The following ADAMTS19 variants were observed in gnomAD, a reference collection of about 807,000 sequenced individuals.
ADAMTS19 encodes the protein ADAM metallopeptidase with thrombospondin type 1 motif 19, also known as A disintegrin and metalloproteinase with thrombospondin motifs 19.
Under a neutral mutation model 153.3 loss-of-function variants are expected in ADAMTS19, and 93 were observed. The observed-to-expected ratio is 0.61, with a 90% CI of 0.51 to 0.72. The LOEUF (loss-of-function observed/expected upper bound fraction) is 0.72. ADAMTS19 is among the 30% of genes least tolerant of loss of function. The pLI, the probability that ADAMTS19 is intolerant of heterozygous loss-of-function variation, is 0.00. For synonymous variants in ADAMTS19, 600 were observed against 556.6 expected, an observed-to-expected ratio of 1.08 and a Z score of -1.10; for missense variants, 1,482 against 1,552.1, an observed-to-expected ratio of 0.95 and a Z score of 0.76.
In ADAMTS19 at chr5:129,642,579, A is replaced by G. The variant is rs188665932; in HGVS notation, c.1872+619A>G. ...TCACATGTATTTAATAATTATGGTTAACATAATCAAAAGATAACAGATCAA... is the reference window on the plus strand; with the variant it reads ...TCACATGTATTTAATAATTATGGTTGACATAATCAAAAGATAACAGATCAA... On this transcript the variant is annotated intron_variant, in intron 11 of 22. Transcript: ENST00000274487. 7.9e-5 allele frequency among the ~76,000 whole-genome samples: 12 copies of G among 152,326 alleles called. No homozygotes were observed. In the East Asian group the frequency reaches 1.7e-3, roughly 22 times the overall value.
chr5:129,523,432 G>A (rs1044699043), intron 3 of ADAMTS19, among the ~76,000 whole-genome samples: 8 of 152,164 alleles, frequency 5.3e-5, no homozygotes, highest in African/African-American at 1.9e-4. Context: ...AAAGATGATA[G>A]CAGCTTAGAG....
chr5:129,569,149 TA>T (rs1753810868), intron 7 of ADAMTS19, among the ~76,000 whole-genome samples: 1 of 151,486 alleles, frequency 6.6e-6, no homozygotes, highest in South Asian at 2.1e-4. Flanking sequence ...TAGTAAAAAG[TA>T]AAAAACAAAA....
intron 20 of ADAMTS19, 42 bp downstream of exon 20, chr5:129,701,634 T>G (rs1317236945): frequency 6.3e-7 from 1 of 1,597,488 alleles, no homozygotes; most frequent in Non-Finnish European, 8.5e-7. Flanking sequence ...CTACTCTGAC[T>G]CCTAGCTTGT....
chr5:129,615,720 T>A (rs1751489421), intron 8 of ADAMTS19, among the ~76,000 whole-genome samples: 1 of 151,872 alleles, frequency 6.6e-6, no homozygotes, highest in Admixed American at 6.6e-5. Context: ...TACAATAATC[T>A]AGAAGTAAAA....
At chr5:129,542,582 G>T (rs1022317444) in intron 6 of ADAMTS19, among the ~76,000 whole-genome samples, 1 of 152,088 alleles carries the variant, frequency 6.6e-6, no homozygotes, top group African/African-American at 2.4e-5. Flanking sequence ...GTGACTGCTT[G>T]GAAAAAGTAG....
chr5:129,722,147 T>C (rs1331197518), intron 21 of ADAMTS19, among the ~76,000 whole-genome samples: 1 of 152,212 alleles, frequency 6.6e-6, no homozygotes, highest in Non-Finnish European at 1.5e-5. Context: ...AAATGGTATT[T>C]CTGGTTCTAG....
intron 8 of ADAMTS19, among the ~76,000 whole-genome samples, chr5:129,619,821 C>T (rs1173133773): frequency 6.6e-6 from 1 of 151,890 alleles, no homozygotes; most frequent in Non-Finnish European, 1.5e-5. Flanking sequence ...GCAAGGCTTG[C>T]CTCTAACAGT....
chr5:129,471,628 G>C (rs1259598090), intron 2 of ADAMTS19, among the ~76,000 whole-genome samples: 5 of 152,162 alleles, frequency 3.3e-5, no homozygotes, highest in South Asian at 2.1e-4. Flanking sequence ...ATGGGGATTT[G>C]TTTTACAAAT....
chr5:129,687,755 G>A (rs760317977), intron 18 of ADAMTS19, among the ~76,000 whole-genome samples: 1 of 152,122 alleles, frequency 6.6e-6, no homozygotes, highest in Non-Finnish European at 1.5e-5. Context: ...CTGCCTTCAT[G>A]AATGGCTCAG....
At chr5:129,529,666 G>A (rs1400729153) in intron 6 of ADAMTS19, among the ~76,000 whole-genome samples, 12 of 152,132 alleles carry the variant, frequency 7.9e-5, no homozygotes, top group Admixed American at 5.2e-4. Flanking sequence ...CTTAACTAGC[G>A]TAGCAAGCTA....
intron 2 of ADAMTS19, among the ~76,000 whole-genome samples, chr5:129,505,466 A>G (rs1043889629): frequency 2.0e-5 from 3 of 152,166 alleles, no homozygotes; most frequent in South Asian, 4.1e-4. Context: ...TAAATGAACC[A>G]TTTATAATTA....
At chr5:129,537,363 T>C (rs1459526537) in intron 6 of ADAMTS19, among the ~76,000 whole-genome samples, 3 of 152,312 alleles carry the variant, frequency 2.0e-5, no homozygotes, top group African/African-American at 7.2e-5. Flanking sequence ...TGGAAGTCGG[T>C]GTTGCGATTC....
intron 2 of ADAMTS19, among the ~76,000 whole-genome samples, chr5:129,479,093 C>G (rs185630510): frequency 4.6e-5 from 7 of 152,172 alleles, no homozygotes; most frequent in Non-Finnish European, 8.8e-5. Flanking sequence ...TTAAATGTCA[C>G]CCTAGAGGGG....
chr5:129,543,659 C>T (rs1347373966), intron 6 of ADAMTS19, among the ~76,000 whole-genome samples: 2 of 152,054 alleles, frequency 1.3e-5, no homozygotes. Context: ...CTAAAACAAA[C>T]TAAAGCCAAG....
At chr5:129,702,711 A>G (rs1371749540) in intron 20 of ADAMTS19, among the ~76,000 whole-genome samples, 1 of 151,920 alleles carries the variant, frequency 6.6e-6, no homozygotes, top group African/African-American at 2.4e-5. Context: ...GAAGAATCAC[A>G]TGAGCATCAG....
chr5:129,676,967 A>G (rs932849256), intron 16 of ADAMTS19, among the ~76,000 whole-genome samples: 2 of 152,174 alleles, frequency 1.3e-5, no homozygotes, highest in African/African-American at 4.8e-5. Flanking sequence ...ATTGTGCCCT[A>G]AAAATGTACT....
In ADAMTS19 at chr5:129,582,536, C is replaced by T. The variant is rs1422702928; in HGVS notation, c.1373-14023C>T. Among the ~76,000 whole-genome samples the T allele has an allele frequency of 3.3e-5, 5 of 151,868 alleles. No individual in the cohort carries two copies. In the East Asian group the frequency reaches 9.7e-4, roughly 30 times the overall value. ...AATACAGCATACTGATAAGTGTTGA[C>T]TATCCAATCTCCTAGTCTGTGTCTT... On this transcript the variant is annotated intron_variant, in intron 7 of 22. Transcript: ENST00000274487.
intron 8 of ADAMTS19, among the ~76,000 whole-genome samples, chr5:129,606,242 T>C (rs954300222): frequency 6.6e-6 from 1 of 152,200 alleles, no homozygotes; most frequent in African/African-American, 2.4e-5. Context: ...ACACACTTAC[T>C]TCTCTGGAAA....
intron 8 of ADAMTS19, among the ~76,000 whole-genome samples, chr5:129,617,544 G>T (rs1751585427): frequency 6.6e-6 from 1 of 152,006 alleles, no homozygotes; most frequent in Admixed American, 6.6e-5. Flanking sequence ...TTTGTGTATG[G>T]TTTGAAAGAT....
Sources: allele counts gnomAD v4.1 joint callset (sites outside exome capture counted in the v4.1 genomes callset), GRCh38; gene constraint gnomAD v4.1.1; transcripts MANE v1.5; gene names NCBI Gene and HGNC (gene_info 2026-07-23, HGNC 2026-07-21).